ADAM18: variants seen among roughly 807,000 people sequenced by gnomAD.
ADAM18 encodes the protein ADAM metallopeptidase domain 18, also known as disintegrin and metalloproteinase domain-containing protein 18.
ADAM18 carries 117 observed loss-of-function variants against 94.4 expected under a neutral mutation model. The ratio of observed to expected loss-of-function variants is 1.24; its 90% CI spans 1.07 to 1.45. ADAM18 has a LOEUF of 1.45. Ranked by LOEUF, ADAM18 falls within the 40% of genes most tolerant of loss-of-function variation. ADAM18 has a pLI of 0.00. For missense variants in ADAM18, 936 were observed against 880.0 expected (o/e 1.06, Z -0.81); for synonymous variants, 327 against 291.6 (o/e 1.12, Z -1.24).
At chr8:39,607,781 A>T (rs1585892016) in intron 3 of ADAM18, among the ~76,000 whole-genome samples, 1 of 146,282 alleles carries the variant, frequency 6.8e-6, no homozygotes, top group Non-Finnish European at 1.5e-5. Context: ...CTCGAATCTT[A>T]GAGTACTCCA....
At chr8:39,645,701 ATTC>A (rs1312551988) in intron 11 of ADAM18, among the ~76,000 whole-genome samples, 1 of 152,098 alleles carries the variant, frequency 6.6e-6, no homozygotes, top group African/African-American at 2.4e-5. Context: ...TCGCATTCAT[ATTC>A]TTTCTTGTCA....
intron 7 of ADAM18, among the ~76,000 whole-genome samples, chr8:39,629,998 G>T (rs919239952): frequency 6.6e-6 from 1 of 151,676 alleles, no homozygotes; most frequent in Non-Finnish European, 1.5e-5. Context: ...TTTATTGAAT[G>T]CATATTTTTA....
chr8:39,669,331 T>C (rs1821086773), intron 14 of ADAM18, among the ~76,000 whole-genome samples: 1 of 151,436 alleles, frequency 6.6e-6, no homozygotes, highest in Non-Finnish European at 1.5e-5. Flanking sequence ...ATTATTATTA[T>C]ACTTTAAGTT....
chr8:39,663,876 A>G lies in ADAM18; in HGVS notation c.1312A>G (p.Thr438Ala), dbSNP rs775533216. 8.1e-6 allele frequency: 13 copies of G among 1,610,830 alleles called. No homozygotes were observed. The highest frequency in any genetic ancestry group is 1.1e-5 in the Non-Finnish European group (13 of 1,178,848). The change falls in exon 13 of 20, where the codon ACA becomes GCA. Residue 438 changes from threonine to alanine, a missense_variant. Thr to Ala is a moderately conservative substitution (Grantham distance 58). Transcript: ENST00000265707. ...SVKCGSGPCC[T>A]SKCELSIAGT... is the part of the protein sequence containing the mutation. ...AAAATGTGGTTCTGGACCATGTTGT[A>G]CATCAAAGTGTGAGGTAAGTTACTA...
intron 14 of ADAM18, among the ~76,000 whole-genome samples, chr8:39,674,723 G>A (rs1288163724): frequency 6.6e-6 from 1 of 152,078 alleles, no homozygotes; most frequent in East Asian, 1.9e-4. Flanking sequence ...TACATCGATG[G>A]TCTTTACAAT....
At chr8:39,669,974 C>G (rs1361069377) in intron 14 of ADAM18, among the ~76,000 whole-genome samples, 2 of 152,150 alleles carry the variant, frequency 1.3e-5, no homozygotes, top group Admixed American at 1.3e-4. Flanking sequence ...TCTCCAGCAC[C>G]TGTTTTTTCC....
intron 18 of ADAM18, among the ~76,000 whole-genome samples, chr8:39,716,625 G>T (rs181792428): frequency 7.8e-4 from 118 of 151,962 alleles, no homozygotes; most frequent in Non-Finnish European, 1.3e-3. Flanking sequence ...CATTTGATCT[G>T]TCCTGGAGAA....
At chr8:39,729,625 T>C (rs1306763893) in intron 19 of ADAM18, among the ~76,000 whole-genome samples, 2 of 152,116 alleles carry the variant, frequency 1.3e-5, no homozygotes, top group East Asian at 3.9e-4. Context: ...AATGCTAAGG[T>C]ACAAAAACAT....
intron 16 of ADAM18, among the ~76,000 whole-genome samples, chr8:39,681,826 C>A (rs1346796466): frequency 6.6e-6 from 1 of 152,110 alleles, no homozygotes; most frequent in African/African-American, 2.4e-5. Context: ...TTGTCTTCTA[C>A]AGTACGTGGA....
At chr8:39,629,726 CTT>C (rs1819880585) in intron 7 of ADAM18, among the ~76,000 whole-genome samples, 1 of 150,270 alleles carries the variant, frequency 6.7e-6, no homozygotes, top group Non-Finnish European at 1.5e-5. Context: ...CTTTTTATAA[CTT>C]AGTGAAAGTT....
intron 6 of ADAM18, among the ~76,000 whole-genome samples, chr8:39,623,295 C>G (rs903984924): frequency 2.6e-5 from 4 of 152,070 alleles, no homozygotes; most frequent in Non-Finnish European, 5.9e-5. Context: ...ATGAATTGTG[C>G]TGGAGTAAAC....
At chr8:39,691,351 G>T (rs1821772869) in intron 16 of ADAM18, among the ~76,000 whole-genome samples, 1 of 152,030 alleles carries the variant, frequency 6.6e-6, no homozygotes, top group South Asian at 2.1e-4. Context: ...CAGAGAAAGG[G>T]TAACTCTTAT....
At chr8:39,596,108 A>G (rs1401191721) in intron 2 of ADAM18, among the ~76,000 whole-genome samples, 3 of 152,190 alleles carry the variant, frequency 2.0e-5, no homozygotes, top group Non-Finnish European at 4.4e-5. Context: ...AGAATCTTTC[A>G]GCTTACCACT....
intron 6 of ADAM18, among the ~76,000 whole-genome samples, chr8:39,621,349 A>C (rs1356781251): frequency 7.3e-6 from 1 of 137,874 alleles, no homozygotes; most frequent in Non-Finnish European, 1.6e-5. Flanking sequence ...ACACACACAC[A>C]CACACACACT....
chr8:39,656,613 A>G (rs1056269190), intron 12 of ADAM18, among the ~76,000 whole-genome samples: 8 of 152,228 alleles, frequency 5.3e-5, no homozygotes, highest in African/African-American at 1.9e-4. Context: ...TTGATAAAAT[A>G]AAATATCAGA....
intron 11 of ADAM18, among the ~76,000 whole-genome samples, chr8:39,646,933 A>C (rs1464909119): frequency 6.6e-6 from 1 of 152,182 alleles, no homozygotes; most frequent in African/African-American, 2.4e-5. Flanking sequence ...AGTGTTGTCA[A>C]GAAGGATCTC....
chr8:39,595,262 A>C (rs1185965696), intron 2 of ADAM18, among the ~76,000 whole-genome samples: 1 of 151,990 alleles, frequency 6.6e-6, no homozygotes, highest in African/African-American at 2.4e-5. Context: ...CCTAACTGGA[A>C]TCCTGAATAG....
intron 6 of ADAM18, among the ~76,000 whole-genome samples, chr8:39,624,411 C>CATGAA (rs1563280079): frequency 6.6e-6 from 1 of 152,166 alleles, no homozygotes; most frequent in Admixed American, 6.5e-5. Flanking sequence ...ATAGAGGGTC[C>CATGAA]TTCCCCCAAT....
chr8:39,712,252 C>G (rs1042623567), intron 18 of ADAM18, among the ~76,000 whole-genome samples: 56 of 152,194 alleles, frequency 3.7e-4, no homozygotes, highest in African/African-American at 1.3e-3. Context: ...GCCCTTCATG[C>G]TAAAAACTCT....
Sources: gnomAD v4.1 joint callset for allele counts (sites outside exome capture counted in the v4.1 genomes callset) on GRCh38, gnomAD v4.1.1 for gene constraint, MANE v1.5 for transcripts, NCBI Gene and HGNC (gene_info 2026-07-23, HGNC 2026-07-21) for gene names.